Variants in GABRG3 observed in about 807,000 individuals in gnomAD.
GABRG3 encodes gamma-aminobutyric acid receptor subunit gamma-3.
GABRG3 carries 25 observed loss-of-function variants against 48.8 expected under a neutral mutation model. The observed-to-expected ratio is 0.51, with a 90% CI of 0.37 to 0.72. GABRG3 has a LOEUF of 0.72. Ranked by LOEUF, GABRG3 falls within the 30% of genes least tolerant of loss-of-function variation. The pLI, the probability that GABRG3 is intolerant of heterozygous loss-of-function variation, is 0.00. For missense variants in GABRG3, 394 were observed against 577.9 expected, an observed-to-expected ratio of 0.68 and a Z score of 3.26; for synonymous variants, 227 against 217.6, an observed-to-expected ratio of 1.04 and a Z score of -0.38.
At chr15:27,154,210 C>T (rs1304993395) in intron 3 of GABRG3, among the ~76,000 whole-genome samples, 1 of 152,128 alleles carries the variant, frequency 6.6e-6, no homozygotes, top group Non-Finnish European at 1.5e-5. Flanking sequence ...TGATATGTGG[C>T]ATGGTGTAGC....
chr15:27,111,262 C>A (rs908381869), intron 3 of GABRG3, among the ~76,000 whole-genome samples: 1 of 152,132 alleles, frequency 6.6e-6, no homozygotes, highest in Non-Finnish European at 1.5e-5. Context: ...TTAGAATTTT[C>A]ATTTTGCTTC....
intron 3 of GABRG3, among the ~76,000 whole-genome samples, chr15:27,107,052 G>T (rs1897461952): frequency 6.6e-6 from 1 of 151,996 alleles, no homozygotes; most frequent in Non-Finnish European, 1.5e-5. Context: ...GTAAGATATT[G>T]GAGAGAGGTA....
intron 5 of GABRG3, among the ~76,000 whole-genome samples, chr15:27,467,135 C>T (rs1250690549): frequency 6.6e-6 from 1 of 152,082 alleles, no homozygotes; most frequent in Non-Finnish European, 1.5e-5. Flanking sequence ...GTCAGCAGAC[C>T]CGGTGTCTGG....
Position 27,236,944 on chromosome 15 carries a change from G to T in GABRG3, c.271-89865G>T, listed in dbSNP as rs754681399. Among the ~76,000 whole-genome samples, 1 of 152,166 alleles carries T rather than the reference G, an allele frequency of 6.6e-6. No individual in the cohort carries two copies. The highest frequency in any genetic ancestry group is 2.4e-5 in the African/African-American group (1 of 41,430). On this transcript the variant is annotated intron_variant, in intron 3 of 9. Transcript: ENST00000615808. This position sits in a 1 kb window ranked among gnomAD's most constrained non-coding sequence, Gnocchi z 4.4. ...ACCCCTCCCTTGGAGGACTTGCTCTGGGCTTGTGCTGGAGGTTATGCTTCC... is the reference window on the plus strand; with the variant it reads ...ACCCCTCCCTTGGAGGACTTGCTCTTGGCTTGTGCTGGAGGTTATGCTTCC...
chr15:27,391,467 TAATA>T (rs970838901), intron 5 of GABRG3, among the ~76,000 whole-genome samples: 2 of 152,038 alleles, frequency 1.3e-5, no homozygotes, highest in Non-Finnish European at 2.9e-5. Context: ...GTAAAAATAA[TAATA>T]ATAATAATAT....
intron 3 of GABRG3, among the ~76,000 whole-genome samples, chr15:27,326,342 T>C (rs889342766): frequency 3.9e-5 from 6 of 152,250 alleles, no homozygotes; most frequent in African/African-American, 7.2e-5. Flanking sequence ...TGAATATGAA[T>C]GGATCACTTA....
chr15:27,017,072 T>A (rs1046852720), intron 2 of GABRG3, among the ~76,000 whole-genome samples: 15 of 152,314 alleles, frequency 9.8e-5, no homozygotes, highest in African/African-American at 3.6e-4. Context: ...TTTGAATTAT[T>A]TATCTGCTAA....
intron 3 of GABRG3, among the ~76,000 whole-genome samples, chr15:27,227,272 A>G (rs549189340): frequency 6.6e-6 from 1 of 152,210 alleles, no homozygotes; most frequent in South Asian, 2.1e-4. Flanking sequence ...GATCACTTGA[A>G]CCCAGGATTT....
At chr15:27,275,849 A>T (rs1187983713) in intron 3 of GABRG3, among the ~76,000 whole-genome samples, 1 of 152,206 alleles carries the variant, frequency 6.6e-6, no homozygotes, top group Non-Finnish European at 1.5e-5. Context: ...GGCTTATGGC[A>T]TTATTTAATG....
rs142907218 is a variant in GABRG3, at chr15:27,331,686, A to G, written c.574+2798A>G. 4.6e-5 allele frequency among the ~76,000 whole-genome samples: 7 copies of G among 152,350 alleles called. No homozygotes were observed. The East Asian group carries it at 9.7e-4, about 21-fold the overall frequency. ...ATAGAATGTACAACACTAAGAATGA[A>G]TGCTAAAATCAGTCCCTGGACTTTG... On this transcript the variant is annotated intron_variant, in intron 5 of 9. Transcript: ENST00000615808.
chr15:27,109,641 G>T (rs1197804548), intron 3 of GABRG3, among the ~76,000 whole-genome samples: 1 of 152,174 alleles, frequency 6.6e-6, no homozygotes, highest in Non-Finnish European at 1.5e-5. Context: ...CCAGCATTTT[G>T]GGAGGCTGAG....
At chr15:27,510,644 T>A (rs140337945) in intron 6 of GABRG3, among the ~76,000 whole-genome samples, 1 of 152,378 alleles carries the variant, frequency 6.6e-6, no homozygotes, top group East Asian at 1.9e-4. Flanking sequence ...AATTTCTAGC[T>A]GAATAAAGTT....
intron 3 of GABRG3, among the ~76,000 whole-genome samples, chr15:27,143,829 T>TC (rs1898149835): frequency 6.6e-6 from 1 of 152,232 alleles, no homozygotes; most frequent in African/African-American, 2.4e-5. Context: ...TGTTTATGTG[T>TC]CCCTCTCTCA....
intron 3 of GABRG3, among the ~76,000 whole-genome samples, chr15:27,243,108 A>C (rs113157382): frequency 6.6e-6 from 1 of 152,170 alleles, no homozygotes; most frequent in Non-Finnish European, 1.5e-5. Flanking sequence ...TCAGTAGCCA[A>C]TCAGGTCAAC....
chr15:27,184,579 C>A (rs1423873445), intron 3 of GABRG3, among the ~76,000 whole-genome samples: 1 of 152,150 alleles, frequency 6.6e-6, no homozygotes, highest in Non-Finnish European at 1.5e-5. Context: ...AAGCACCAAA[C>A]ACAAATAATG....
intron 3 of GABRG3, among the ~76,000 whole-genome samples, chr15:27,286,009 T>C (rs1595639021): frequency 6.6e-6 from 1 of 152,244 alleles, no homozygotes; most frequent in South Asian, 2.1e-4. Context: ...TAGGTTGGGA[T>C]CTTACTTAGA....
chr15:27,228,450 G>A (rs890779041), intron 3 of GABRG3, among the ~76,000 whole-genome samples: 5 of 152,130 alleles, frequency 3.3e-5, no homozygotes, highest in South Asian at 2.1e-4. Flanking sequence ...CACATTCTCT[G>A]TATCCAGTCT....
At position 27,187,146 on chromosome 15, in the gene GABRG3, A is replaced by G. The variant is rs1048842719; in HGVS notation, c.271-139663A>G. Among the ~76,000 whole-genome samples, 3 of 152,164 alleles carry G rather than the reference A, an allele frequency of 2.0e-5. No individual in the cohort carries two copies. The South Asian group carries it at 6.2e-4, about 31-fold the overall frequency. The stretch of plus-strand genomic sequence containing the variant: ...TTTCAATCTGCTGCATGTGGCTGGC[A>G]GACCAGTTATCCCAGCATTATTTAT... On this transcript the variant is annotated intron_variant, in intron 3 of 9. Coordinates refer to ENST00000615808, the MANE Select transcript of GABRG3 (RefSeq NM_033223.5).
At chr15:27,165,452 G>A (rs557571794) in intron 3 of GABRG3, among the ~76,000 whole-genome samples, 1 of 152,142 alleles carries the variant, frequency 6.6e-6, no homozygotes, top group Non-Finnish European at 1.5e-5. Flanking sequence ...GTCAATCCAG[G>A]TTCTAGTTCT....
Sources: allele counts gnomAD v4.1 joint callset (sites outside exome capture counted in the v4.1 genomes callset), GRCh38; gene constraint gnomAD v4.1.1; non-coding constraint Gnocchi (gnomAD v3.1); transcripts MANE v1.5; gene names NCBI Gene and HGNC (gene_info 2026-07-23, HGNC 2026-07-21).